PLXNA4: variants seen among roughly 807,000 people sequenced by gnomAD.
PLXNA4 encodes the protein plexin-A4.
In PLXNA4, 44 loss-of-function variants were observed where a neutral mutation model predicts 191.8. The observed-to-expected ratio is 0.23, with a 90% CI of 0.18 to 0.29. PLXNA4 has a LOEUF of 0.29. Ranked by LOEUF, PLXNA4 falls within the 10% of genes least tolerant of loss-of-function variation. The pLI is 1.00. For missense variants in PLXNA4, 1,800 were observed against 2,488.8 expected (o/e 0.72, Z 5.89); for synonymous variants, 1,082 against 1,009.5 (o/e 1.07, Z -1.36).
chr7:132,557,571 T>C (rs552614124), intron 1 of PLXNA4, among the ~76,000 whole-genome samples: 12 of 151,880 alleles, frequency 7.9e-5, no homozygotes, highest in Non-Finnish European at 1.5e-4. Context: ...AGTTTTCACC[T>C]TTGCAAAACC....
chr7:132,332,143 C>A (rs945964844), intron 3 of PLXNA4, among the ~76,000 whole-genome samples: 1 of 152,204 alleles, frequency 6.6e-6, no homozygotes, highest in African/African-American at 2.4e-5. Context: ...CTTTCCTCTG[C>A]CTTCTTGTAC....
At chr7:132,332,783 C>CCAGGAGTTGGAGGCTG (rs1195611098) in intron 3 of PLXNA4, among the ~76,000 whole-genome samples, 1 of 151,584 alleles carries the variant, frequency 6.6e-6, no homozygotes, top group Non-Finnish European at 1.5e-5. Flanking sequence ...TCATTTGAGC[C>CCAGGAGTTGGAGGCTG]CAGGAGTTGG....
chr7:132,203,840 G>A lies in PLXNA4; in HGVS notation c.2299-421C>T, dbSNP rs111984156. ...AACCCTGGTCCCTAGGCCCTCCCAA[G>A]TCTGCAATTAGATTGGGGAACTCTA... is the stretch of plus-strand genomic sequence containing the variant. On this transcript the variant is annotated intron_variant, in intron 10 of 31. Coordinates refer to ENST00000321063, the MANE Select transcript of PLXNA4 (RefSeq NM_020911.2). 4.6e-3 allele frequency among the ~76,000 whole-genome samples: 696 copies of A among 152,318 alleles called. 6 individuals are homozygous for A. The highest frequency in any genetic ancestry group is 0.016 in the African/African-American group (672 of 41,578).
At chr7:132,209,463 C>T (rs921695832) in intron 10 of PLXNA4, among the ~76,000 whole-genome samples, 5 of 152,150 alleles carry the variant, frequency 3.3e-5, no homozygotes, top group African/African-American at 4.8e-5. Flanking sequence ...TATGGGGAAA[C>T]AGGAGGTGTT....
chr7:132,626,850 C>A (rs987953917), intron 2 of PLXNA4, among the ~76,000 whole-genome samples: 1 of 152,216 alleles, frequency 6.6e-6, no homozygotes, highest in Admixed American at 6.5e-5. Flanking sequence ...AGCTCTGGAG[C>A]ACCCTATGGG....
In PLXNA4 at chr7:132,225,442, A is replaced by G. The variant is rs189172684; in HGVS notation, c.1982+719T>C. ...TTTGTGTGACGCCCTTGGAAGGAGCACTGTGATTTCCCTGTTGATAGAGGA... is the reference window on the plus strand; with the variant it reads ...TTTGTGTGACGCCCTTGGAAGGAGCGCTGTGATTTCCCTGTTGATAGAGGA... On this transcript the variant is annotated intron_variant, in intron 8 of 31. Transcript: ENST00000321063. 9.2e-5 allele frequency among the ~76,000 whole-genome samples: 14 copies of G among 152,330 alleles called. No individual in the cohort carries two copies. The East Asian group carries it at 2.7e-3, about 29-fold the overall frequency.
At chr7:132,330,164 T>C (rs1315161471) in intron 3 of PLXNA4, among the ~76,000 whole-genome samples, 3 of 152,108 alleles carry the variant, frequency 2.0e-5, no homozygotes, top group Non-Finnish European at 4.4e-5. Flanking sequence ...GCACAGCCAG[T>C]GCAGAGCCAC....
chr7:132,156,689 A>G (rs1204372973), intron 25 of PLXNA4, among the ~76,000 whole-genome samples: 1 of 152,230 alleles, frequency 6.6e-6, no homozygotes, highest in East Asian at 1.9e-4. Context: ...TCCCTTTGGC[A>G]TAAATAGTCA....
At chr7:132,452,490 C>T (rs561286907) in intron 3 of PLXNA4, among the ~76,000 whole-genome samples, 1 of 152,236 alleles carries the variant, frequency 6.6e-6, no homozygotes, top group South Asian at 2.1e-4. Flanking sequence ...CTTGGGAAAT[C>T]CAAAAAAACA....
chr7:132,511,492 A>C (rs156966), intron 1 of PLXNA4, among the ~76,000 whole-genome samples: 62,162 of 152,082 alleles, frequency 0.41, 13,633 homozygotes, highest in African/African-American at 0.58. Flanking sequence ...ATCACCTACC[A>C]GTATCATGAG....
At position 132,291,928 on chromosome 7, in the gene PLXNA4, G is replaced by A. The variant is rs990315303; in HGVS notation, c.1503+6163C>T. 2.0e-5 allele frequency among the ~76,000 whole-genome samples: 3 copies of A among 152,204 alleles called. No individual in the cohort carries two copies. The South Asian group carries it at 6.2e-4, about 31-fold the overall frequency. The stretch of plus-strand genomic sequence containing the variant: ...TCCTGCCTCAGCCTCCCGAGTGGTT[G>A]GGATTACAGGTGCATGCCACCAGGC... On this transcript the variant is annotated intron_variant, in intron 4 of 31. Coordinates refer to ENST00000321063, the MANE Select transcript of PLXNA4 (RefSeq NM_020911.2).
In PLXNA4 at chr7:132,228,464, G is replaced by T. The variant is rs780599953; in HGVS notation, c.1610C>A (p.Thr537Asn). The change falls in exon 6 of 32, where the codon ACC becomes AAC. Residue 537 changes from threonine (T) to asparagine (N), a missense_variant. Transcript: ENST00000321063. ...GGACCGCTCACACCGCTCCTTCCGGGTGCAACTGGGAAGGACATACCCTCG... is the reference window on the plus strand; with the variant it reads ...GGACCGCTCACACCGCTCCTTCCGGTTGCAACTGGGAAGGACATACCCTCG... ...CGWCVLHNTCTRKERCERSKE... is the reference protein window; with the variant it reads ...CGWCVLHNTCNRKERCERSKE... 8.7e-5 allele frequency: 141 copies of T among 1,614,000 alleles called. No individual in the cohort carries two copies. Among genetic ancestry groups the T allele is most frequent in the Non-Finnish European group, 1.2e-4 (138 of 1,180,022 alleles).
chr7:132,328,702 C>G (rs1038402272), intron 3 of PLXNA4, among the ~76,000 whole-genome samples: 4 of 152,212 alleles, frequency 2.6e-5, no homozygotes, highest in African/African-American at 4.8e-5. Flanking sequence ...TGCCCAGGAG[C>G]TGCCCTGTAG....
At chr7:132,537,091 C>G (rs1244785661) in intron 1 of PLXNA4, among the ~76,000 whole-genome samples, 2 of 152,160 alleles carry the variant, frequency 1.3e-5, no homozygotes, top group African/African-American at 2.4e-5. Context: ...CCTGGAGGAG[C>G]GAGCTTTCTT....
intron 4 of PLXNA4, among the ~76,000 whole-genome samples, chr7:132,248,532 T>C (rs1167205733): frequency 6.6e-6 from 1 of 152,186 alleles, no homozygotes; most frequent in Non-Finnish European, 1.5e-5. Context: ...AAGGTTGCAG[T>C]GTGGTAGCTT....
At chr7:132,248,556 G>T (rs149614478) in intron 4 of PLXNA4, among the ~76,000 whole-genome samples, 2 of 152,298 alleles carry the variant, frequency 1.3e-5, no homozygotes, top group Non-Finnish European at 2.9e-5. Context: ...ACCACCCTGT[G>T]CTTCAAATAG....
At chr7:132,449,179 A>T (rs923768543) in intron 3 of PLXNA4, among the ~76,000 whole-genome samples, 14 of 152,166 alleles carry the variant, frequency 9.2e-5, no homozygotes, top group African/African-American at 3.4e-4. Flanking sequence ...TCTTGAGCTC[A>T]CACCCCTGGC....
intron 2 of PLXNA4, among the ~76,000 whole-genome samples, chr7:132,602,454 CTTG>C (rs2116841767): frequency 6.6e-6 from 1 of 152,282 alleles, no homozygotes; most frequent in South Asian, 2.1e-4. Context: ...CCGTGGTCTC[CTTG>C]TTGTTATGGG....
chr7:132,354,543 C>T (rs536411825), intron 3 of PLXNA4, among the ~76,000 whole-genome samples: 10 of 152,242 alleles, frequency 6.6e-5, no homozygotes, highest in Admixed American at 3.3e-4. Flanking sequence ...TTAGCTCTAA[C>T]GCAGGTAGGT....
Sources: allele counts gnomAD v4.1 joint callset (sites outside exome capture counted in the v4.1 genomes callset), GRCh38; gene constraint gnomAD v4.1.1; transcripts MANE v1.5; gene names NCBI Gene and HGNC (gene_info 2026-07-23, HGNC 2026-07-21).